The following CD247 variants were observed in gnomAD, a reference collection of about 807,000 sequenced individuals.
CD247 encodes T-cell surface glycoprotein CD3 zeta chain.
In CD247, 13 loss-of-function variants were observed where a neutral mutation model predicts 30.0. The observed-to-expected ratio is 0.43, with a 90% CI of 0.28 to 0.69. The LOEUF (loss-of-function observed/expected upper bound fraction) is 0.69, where lower values mean the gene tolerates loss of function less well. Among genes scored for constraint, CD247 ranks in the 30% least tolerant of loss-of-function variants. CD247 has a pLI of 0.16. For missense variants in CD247, 193 were observed against 212.6 expected (o/e 0.91, Z 0.57); for synonymous variants, 72 against 80.0 (o/e 0.90, Z 0.53).
At chr1:167,516,199 C>T (rs1251386343) in intron 1 of CD247, among the ~76,000 whole-genome samples, 1 of 152,242 alleles carries the variant, frequency 6.6e-6, no homozygotes, top group Non-Finnish European at 1.5e-5. Context: ...CCACACTGAC[C>T]GCTGGGTGCA....
intron 4 of CD247, 69 bp downstream of exon 4, chr1:167,438,501 C>A: frequency 8.0e-7 from 1 of 1,246,090 alleles, no homozygotes; most frequent in Admixed American, 1.7e-5. Context: ...CTGAGGAGCC[C>A]TCCCCCACAG....
At chr1:167,485,545 C>T (rs377730382) in intron 1 of CD247, among the ~76,000 whole-genome samples, 3 of 152,246 alleles carry the variant, frequency 2.0e-5, no homozygotes, top group African/African-American at 7.2e-5. Flanking sequence ...CCCACTCACA[C>T]ACCTGCCTTT....
chr1:167,431,688 G>C lies in CD247; in HGVS notation c.488C>G (p.Pro163Arg), dbSNP rs376046446. 86 of 1,613,684 alleles carry C rather than the reference G, an allele frequency of 5.3e-5. No individual in the cohort carries two copies. The highest frequency in any genetic ancestry group is 7.0e-5 in the Non-Finnish European group (82 of 1,179,684). The part of the protein sequence containing the change: ...YDALHMQALP[P>R]R ...GGTGAAATCCCCTGGCTGTTAGCGA[G>C]GGGGCAGGGCCTGCATGTGAAGGGC... is the stretch of plus-strand genomic sequence containing the variant. Residue 163 changes from proline (P) to arginine (R), a missense_variant, in exon 8 of 8, where the codon CCT (proline) becomes CGT (arginine). Coordinates refer to ENST00000362089, the MANE Select transcript of CD247 (RefSeq NM_198053.3).
chr1:167,446,693 G>A (rs908342725), intron 1 of CD247, among the ~76,000 whole-genome samples: 2 of 152,132 alleles, frequency 1.3e-5, no homozygotes, highest in East Asian at 3.9e-4. Context: ...GGTGTTTGAA[G>A]ATAAAAACAG....
At chr1:167,466,792 G>T (rs1408366905) in intron 1 of CD247, among the ~76,000 whole-genome samples, 3 of 152,092 alleles carry the variant, frequency 2.0e-5, no homozygotes, top group African/African-American at 7.2e-5. Context: ...TAGTTAACAT[G>T]CAAAGGCTTC....
chr1:167,502,345 T>G (rs1204429835), intron 1 of CD247, among the ~76,000 whole-genome samples: 1 of 152,184 alleles, frequency 6.6e-6, no homozygotes, highest in African/African-American at 2.4e-5. Context: ...GGGAGGCATA[T>G]TCTTAGATTT....
chr1:167,480,480 C>A (rs542648929), intron 1 of CD247, among the ~76,000 whole-genome samples: 1 of 152,284 alleles, frequency 6.6e-6, no homozygotes, highest in South Asian at 2.1e-4. Context: ...TCCTGCTCAA[C>A]CAGCCTAGGA....
At chr1:167,440,434 A>T (rs1262113934) in intron 2 of CD247, 1 of 593,344 alleles carries the variant, frequency 1.7e-6, no homozygotes, top group Non-Finnish European at 3.0e-6. Context: ...ACGGCTTGTC[A>T]TGGAGGTGCC....
chr1:167,447,024 T>C (rs1458494939), intron 1 of CD247, among the ~76,000 whole-genome samples: 1 of 152,068 alleles, frequency 6.6e-6, no homozygotes, highest in African/African-American at 2.4e-5. Flanking sequence ...AATGGGTGTG[T>C]ACAAAGTGCC....
At chr1:167,516,235 T>G (rs1295634650) in intron 1 of CD247, among the ~76,000 whole-genome samples, 1 of 152,152 alleles carries the variant, frequency 6.6e-6, no homozygotes, top group African/African-American at 2.4e-5. Context: ...GAGTAGGGAG[T>G]TAGAGGCACT....
chr1:167,437,368 G>A (rs538853918), intron 4 of CD247, among the ~76,000 whole-genome samples: 2 of 151,248 alleles, frequency 1.3e-5, no homozygotes, highest in South Asian at 2.1e-4. Context: ...CTGTGCCGTT[G>A]CACCCCAGCC....
chr1:167,474,841 C>T (rs1400621742), intron 1 of CD247, among the ~76,000 whole-genome samples: 1 of 151,012 alleles, frequency 6.6e-6, no homozygotes, highest in African/African-American at 2.4e-5. Context: ...CAACCTCTGC[C>T]TCCCGAGTTC....
At chr1:167,468,111 G>C (rs1434496204) in intron 1 of CD247, among the ~76,000 whole-genome samples, 2 of 151,824 alleles carry the variant, frequency 1.3e-5, no homozygotes, top group Non-Finnish European at 2.9e-5. Context: ...ATACATTTTA[G>C]GCATAGCTAT....
chr1:167,481,255 C>T (rs2102064010), intron 1 of CD247, among the ~76,000 whole-genome samples: 1 of 152,214 alleles, frequency 6.6e-6, no homozygotes, highest in East Asian at 1.9e-4. Flanking sequence ...CCACTGCACC[C>T]CAGGCTGGGC....
intron 1 of CD247, among the ~76,000 whole-genome samples, chr1:167,454,508 G>A (rs1652534338): frequency 6.6e-6 from 1 of 152,264 alleles, no homozygotes; most frequent in Admixed American, 6.5e-5. Context: ...AGCGCTTTGC[G>A]CCCAGCCCTG....
At chr1:167,496,482 G>A (rs1654696005) in intron 1 of CD247, among the ~76,000 whole-genome samples, 1 of 152,220 alleles carries the variant, frequency 6.6e-6, no homozygotes, top group Non-Finnish European at 1.5e-5. Flanking sequence ...CTTAAAAGCA[G>A]CAGCTTGTCT....
chr1:167,454,179 T>C (rs1404814539), intron 1 of CD247, among the ~76,000 whole-genome samples: 1 of 152,028 alleles, frequency 6.6e-6, no homozygotes, highest in African/African-American at 2.4e-5. Context: ...AAAATGAAAA[T>C]AGTAATGTTA....
chr1:167,513,241 T>A (rs929462019), intron 1 of CD247, among the ~76,000 whole-genome samples: 2 of 152,144 alleles, frequency 1.3e-5, no homozygotes, highest in African/African-American at 4.8e-5. Flanking sequence ...AAAAAAGCAC[T>A]TGAAACTTTT....
At chr1:167,441,640 G>A (rs1651836529) in intron 1 of CD247, among the ~76,000 whole-genome samples, 1 of 152,192 alleles carries the variant, frequency 6.6e-6, no homozygotes, top group African/African-American at 2.4e-5. Context: ...ACAAAATGCA[G>A]CTCAAAGATC....
Sources: allele counts gnomAD v4.1 joint callset (sites outside exome capture counted in the v4.1 genomes callset), GRCh38; gene constraint gnomAD v4.1.1; transcripts MANE v1.5; gene names NCBI Gene and HGNC (gene_info 2026-07-23, HGNC 2026-07-21).